KLHDC4: variants seen among roughly 807,000 people sequenced by gnomAD.
KLHDC4 encodes kelch domain-containing protein 4.
KLHDC4 carries 90 observed loss-of-function variants against 62.4 expected under a neutral mutation model. The observed-to-expected ratio is 1.44, with a 90% CI of 1.22 to 1.72. KLHDC4 has a LOEUF of 1.72. Among genes scored for constraint, KLHDC4 ranks in the 40% most tolerant of loss-of-function variants. The probability of loss-of-function intolerance (pLI) is 0.00; values close to 1 mark genes in which losing one functional copy is unlikely to be tolerated. For synonymous variants in KLHDC4, 386 were observed against 284.4 expected (o/e 1.36, Z -3.59); for missense variants, 1,025 against 699.7 (o/e 1.47, Z -5.25).
chr16:87,742,211 C>G (rs1387882191), intron 5 of KLHDC4, among the ~76,000 whole-genome samples: 1 of 152,312 alleles, frequency 6.6e-6, no homozygotes, highest in East Asian at 1.9e-4. Context: ...CAGGATGCCA[C>G]ACACCGCAGC....
chr16:87,737,799 C>G (rs1306518280), intron 5 of KLHDC4, among the ~76,000 whole-genome samples: 2 of 151,976 alleles, frequency 1.3e-5, no homozygotes, highest in Non-Finnish European at 2.9e-5. Flanking sequence ...CCATGTTGGT[C>G]AAGATGGTCT....
In KLHDC4 at chr16:87,756,414, A is replaced by G; in HGVS notation, c.255T>C (p.Tyr85=). The G allele has an allele frequency of 2.5e-6, 4 of 1,613,216 alleles. No homozygotes were observed. The highest frequency in any genetic ancestry group is 3.4e-6 in the Non-Finnish European group (4 of 1,179,154). ...TATACTTTACTTTTTGGCCGTTGAA[A>G]TATTCACCTCCAAAAAGGATTAACT... ...KDELILFGGE[Y]FNGQKTFLYN... Residue 85 remains tyrosine (Y), a synonymous_variant, in exon 3 of 12, where the codon TAT becomes TAC. Transcript: ENST00000270583.
intron 7 of KLHDC4, among the ~76,000 whole-genome samples, chr16:87,719,147 C>T (rs936485700): frequency 9.9e-5 from 15 of 152,224 alleles, no homozygotes; most frequent in African/African-American, 3.4e-4. Flanking sequence ...ATCTTCCCGG[C>T]CGCCACCCCG....
rs2035267663 is a variant in KLHDC4, at chr16:87,709,167, C to T, written c.1447+98G>A. 1.4e-5 allele frequency: 20 copies of T among 1,447,582 alleles called. No individual in the cohort carries two copies. In the East Asian group the frequency reaches 1.6e-4, roughly 12 times the overall value. The allele number at this position is 1,447,582 out of a possible 1,614,324, so 89.7% of individuals were successfully genotyped here. A position where few individuals can be genotyped will look rare whatever the true frequency, so the allele number is the denominator to read the frequency against. On this transcript the variant is annotated intron_variant, in intron 10 of 11. Coordinates refer to ENST00000270583, the MANE Select transcript of KLHDC4 (RefSeq NM_017566.4). ...ACAGGCGAGAAGTGTCGGCACAGGC[C>T]GCCTCTGGGCAGCTTGCAGGGCTTG... is the stretch of plus-strand genomic sequence containing the variant.
At chr16:87,756,627 G>C (rs1476884613) in intron 2 of KLHDC4, 150 bp from the exon 3 acceptor site, 2 of 601,162 alleles carry the variant, frequency 3.3e-6, no homozygotes, top group Non-Finnish European at 6.0e-6. Context: ...GGAAGCAAAG[G>C]TGCCACTTGA....
chr16:87,713,527 A>C (rs372224725), intron 8 of KLHDC4, among the ~76,000 whole-genome samples: 1 of 152,224 alleles, frequency 6.6e-6, no homozygotes, highest in Non-Finnish European at 1.5e-5. Flanking sequence ...TTCAAAATCA[A>C]GAAATTAATG....
At chr16:87,721,749 G>C (rs775763896) in intron 7 of KLHDC4, among the ~76,000 whole-genome samples, 1 of 152,220 alleles carries the variant, frequency 6.6e-6, no homozygotes, top group Non-Finnish European at 1.5e-5. Flanking sequence ...CGGCCTCGCG[G>C]TAACAGTGGG....
intron 5 of KLHDC4, among the ~76,000 whole-genome samples, chr16:87,733,682 TGA>T (rs2143006542): frequency 3.2e-5 from 4 of 126,806 alleles, no homozygotes; most frequent in African/African-American, 9.2e-5. Context: ...TCCTCACTGA[TGA>T]CCTGCCTCGC....
At chr16:87,765,489 T>TGGAGGGAGAAGGGA (rs2046514689) in intron 1 of KLHDC4, 1 of 486,608 alleles carries the variant, frequency 2.1e-6, no homozygotes, top group Non-Finnish European at 3.8e-6. Flanking sequence ...AGAGGGAGGG[T>TGGAGGGAGAAGGGA]GGAGGGAGAA....
At chr16:87,719,921 G>T (rs1275519849) in intron 7 of KLHDC4, among the ~76,000 whole-genome samples, 1 of 152,162 alleles carries the variant, frequency 6.6e-6, no homozygotes, top group Non-Finnish European at 1.5e-5. Context: ...GGCCGCACAC[G>T]CCAAGTCCCA....
rs936249937 is a variant in KLHDC4 at position 87,756,321 on chromosome 16, T to C, written c.270+78A>G. On this transcript the variant is annotated intron_variant, in intron 3 of 11. Coordinates refer to ENST00000270583, the MANE Select transcript of KLHDC4 (RefSeq NM_017566.4). ...GGTGAAGGGGCTAACGCATATTTGA[T>C]GTCACTGCCTTAAGTTAACTTTCTG... 10 of 1,086,884 alleles carry C rather than the reference T, an allele frequency of 9.2e-6. No individual in the cohort carries two copies. In the African/African-American group the frequency reaches 1.5e-4, roughly 17 times the overall value. The allele number at this position is 1,086,884 out of a possible 1,614,324, so 67.3% of individuals were successfully genotyped here. A position where few individuals can be genotyped will look rare whatever the true frequency, so the allele number is the denominator to read the frequency against.
chr16:87,716,234 C>T (rs568690303), intron 7 of KLHDC4, among the ~76,000 whole-genome samples: 20 of 151,730 alleles, frequency 1.3e-4, no homozygotes, highest in South Asian at 2.1e-4. Context: ...ACTTTGGGTA[C>T]GCGCTATGTC....
exon 1 of KLHDC4, chr16:87,699,184 G>A (rs990377112): frequency 2.0e-5 from 3 of 152,270 alleles, no homozygotes; most frequent in African/African-American, 7.2e-5. Context: ...GCCCACGGCT[G>A]GCCTGTTTTA....
intron 5 of KLHDC4, among the ~76,000 whole-genome samples, chr16:87,748,378 C>G (rs573143721): frequency 1.2e-3 from 182 of 152,320 alleles, no homozygotes; most frequent in African/African-American, 3.7e-3. Context: ...ATGATGTAAA[C>G]AGAAGACCAC....
At chr16:87,721,507 C>A (rs1597478778) in intron 7 of KLHDC4, among the ~76,000 whole-genome samples, 2 of 152,076 alleles carry the variant, frequency 1.3e-5, no homozygotes, top group South Asian at 4.1e-4. Flanking sequence ...CACTGTCGCG[C>A]CCAATTCCCC....
At chr16:87,725,282 C>T (rs1296146477) in intron 7 of KLHDC4, among the ~76,000 whole-genome samples, 1 of 152,288 alleles carries the variant, frequency 6.6e-6, no homozygotes, top group East Asian at 1.9e-4. Flanking sequence ...GGGTCAATGA[C>T]GCATAGGAAA....
At chr16:87,709,059 C>T (rs1380487144) in intron 10 of KLHDC4, among the ~76,000 whole-genome samples, 2 of 152,246 alleles carry the variant, frequency 1.3e-5, no homozygotes. Context: ...GCACCCGGGA[C>T]AAAGGACAGA....
At chr16:87,720,656 G>A (rs375113664) in intron 7 of KLHDC4, among the ~76,000 whole-genome samples, 1 of 152,232 alleles carries the variant, frequency 6.6e-6, no homozygotes, top group African/African-American at 2.4e-5. Flanking sequence ...ACCACGTGTC[G>A]CGAGAGCAGC....
chr16:87,762,842 T>C (rs1274684198), intron 1 of KLHDC4, among the ~76,000 whole-genome samples: 2 of 152,136 alleles, frequency 1.3e-5, no homozygotes, highest in Non-Finnish European at 2.9e-5. Context: ...AAGTTCCTTC[T>C]AGCCTTCAGT....
Sources: allele counts gnomAD v4.1 joint callset (sites outside exome capture counted in the v4.1 genomes callset), GRCh38; gene constraint gnomAD v4.1.1; transcripts MANE v1.5; gene names NCBI Gene and HGNC (gene_info 2026-07-23, HGNC 2026-07-21).